Variants in CREB1 observed in about 807,000 individuals in gnomAD.
CREB1 encodes cAMP responsive element binding protein 1.
In CREB1, 2 loss-of-function variants were observed where a neutral mutation model predicts 42.0. That is an observed-to-expected ratio of 0.05 (90% CI 0.02 to 0.15). The LOEUF (loss-of-function observed/expected upper bound fraction) is 0.15. Among genes scored for constraint, CREB1 ranks in the 10% least tolerant of loss-of-function variants. The probability of loss-of-function intolerance (pLI) is 1.00; values close to 1 mark genes in which losing one functional copy is unlikely to be tolerated. For synonymous variants in CREB1, 123 were observed against 139.9 expected, an observed-to-expected ratio of 0.88 and a Z score of 0.85; for missense variants, 199 against 388.9, an observed-to-expected ratio of 0.51 and a Z score of 4.11.
chr2:207,600,188 C>T lies in CREB1; in HGVS notation c.*3130C>T, dbSNP rs1183254395. 6 of 175,220 alleles carry T rather than the reference C, an allele frequency of 3.4e-5. No individual in the cohort carries two copies. The highest frequency in any genetic ancestry group is 1.9e-4 in the Admixed American group (3 of 15,474). 10.9% of individuals were successfully genotyped at this position (175,220 alleles called of 1,614,324 possible). ...ACCATAATATTGTCATAGGTGCTCT[C>T]TTCATTTAGATATTCTTGGGGGGGG... On this transcript the variant is annotated 3_prime_UTR_variant, in exon 8 of 8. Transcript: ENST00000353267.
At chr2:207,561,705 G>A (rs1157655376) in intron 3 of CREB1, among the ~76,000 whole-genome samples, 2 of 151,934 alleles carry the variant, frequency 1.3e-5, no homozygotes, top group African/African-American at 4.8e-5. Context: ...CACCATCCTG[G>A]TTGTTTTCTT....
At chr2:207,576,332 A>G (rs2082600119) in intron 6 of CREB1, among the ~76,000 whole-genome samples, 1 of 147,470 alleles carries the variant, frequency 6.8e-6, no homozygotes, top group African/African-American at 2.5e-5. Context: ...ATTTGTTTGA[A>G]TATTTCAAGA....
At chr2:207,560,523 A>G in intron 3 of CREB1, 151 bp downstream of exon 3, 1 of 643,756 alleles carries the variant, frequency 1.6e-6, no homozygotes, top group Non-Finnish European at 2.5e-6. Context: ...TAGTCACCTT[A>G]TGTATAGGAA....
intron 1 of CREB1, among the ~76,000 whole-genome samples, chr2:207,551,137 C>T (rs1039193809): frequency 6.6e-6 from 1 of 152,168 alleles, no homozygotes; most frequent in Non-Finnish European, 1.5e-5. Flanking sequence ...CTGTATTCAT[C>T]ATTAATGCCT....
intron 7 of CREB1, among the ~76,000 whole-genome samples, chr2:207,583,370 T>A (rs763588039): frequency 5.9e-5 from 9 of 152,224 alleles, no homozygotes; most frequent in Non-Finnish European, 1.3e-4. Flanking sequence ...TGTTTGTAAC[T>A]TCTTTCTCCG....
intron 7 of CREB1, chr2:207,583,012 A>G (rs2083215717): frequency 6.5e-6 from 1 of 154,112 alleles, no homozygotes; most frequent in Non-Finnish European, 1.5e-5. Flanking sequence ...TGTTTTCCAT[A>G]GCCCACATTC....
rs553899996 is a variant in CREB1, at chr2:207,536,492, T to G, written c.-9+6358T>G. On this transcript the variant is annotated intron_variant, in intron 1 of 7. Coordinates refer to ENST00000353267, the MANE Select transcript of CREB1 (RefSeq NM_004379.5). ...ATCACTTGGACCTGGAAGGCAGAGG[T>G]TGCAGTGAGCTGAGATTGCACCATT... 1.1e-3 allele frequency among the ~76,000 whole-genome samples: 172 copies of G among 152,176 alleles called. No individual in the cohort carries two copies. The South Asian group carries it at 0.014, about 12-fold the overall frequency.
At chr2:207,590,107 T>TA (rs1553508762) in intron 7 of CREB1, among the ~76,000 whole-genome samples, 23,911 of 134,826 alleles carry the variant, frequency 0.18, 3,448 homozygotes, top group Non-Finnish European at 0.26. Flanking sequence ...TTTTTTTTTT[T>TA]AATAGATACG....
intron 7 of CREB1, among the ~76,000 whole-genome samples, chr2:207,582,401 T>A (rs112944732): frequency 1.1e-3 from 161 of 152,350 alleles, no homozygotes; most frequent in African/African-American, 3.7e-3. Context: ...CTGAATTCTA[T>A]AAACAAGATT....
chr2:207,551,670 C>T (rs1256566329), intron 1 of CREB1, among the ~76,000 whole-genome samples: 1 of 152,042 alleles, frequency 6.6e-6, no homozygotes, highest in African/African-American at 2.4e-5. Flanking sequence ...GGAAATACTT[C>T]CTTTACCATA....
At chr2:207,561,270 G>A in intron 3 of CREB1, 1 of 947,918 alleles carries the variant, frequency 1.1e-6, no homozygotes, top group Non-Finnish European at 1.6e-6. Flanking sequence ...TTCAACACTT[G>A]AACAAAAACC....
intron 1 of CREB1, among the ~76,000 whole-genome samples, chr2:207,554,004 A>C (rs2081618497): frequency 6.6e-6 from 1 of 152,096 alleles, no homozygotes; most frequent in Non-Finnish European, 1.5e-5. Context: ...TGGTTCTCTT[A>C]ATGATGGATA....
At position 207,593,938 on chromosome 2, in the gene CREB1, C is replaced by G. The variant is rs184658544; in HGVS notation, c.840-2976C>G. On this transcript the variant is annotated intron_variant, in intron 7 of 7. Transcript: ENST00000353267. ...TTCGCCATGTTGGCCAGGCTGGTCT[C>G]AAACTCCTGGCCTCAAGTGATCTGC... Among the ~76,000 whole-genome samples the G allele has an allele frequency of 1.5e-4, 23 of 152,188 alleles. No individual in the cohort carries two copies. The East Asian group carries it at 4.5e-3, about 30-fold the overall frequency.
intron 7 of CREB1, chr2:207,581,777 C>T: frequency 1.5e-6 from 1 of 682,590 alleles, no homozygotes; most frequent in Admixed American, 2.2e-5. Context: ...TTTTATTTCC[C>T]CAGTTTTTTT....
chr2:207,543,106 A>G (rs746848495), intron 1 of CREB1, among the ~76,000 whole-genome samples: 1 of 152,220 alleles, frequency 6.6e-6, no homozygotes, highest in African/African-American at 2.4e-5. Flanking sequence ...ACTTTAAATC[A>G]TCTCTAGATT....
intron 1 of CREB1, among the ~76,000 whole-genome samples, chr2:207,534,179 TAAGTCCCA>T (rs1458735897): frequency 6.6e-6 from 1 of 152,230 alleles, no homozygotes; most frequent in Admixed American, 6.5e-5. Flanking sequence ...TAATACATAC[TAAGTCCCA>T]GGCATTGTGC....
At chr2:207,577,377 G>C in intron 6 of CREB1, 128 bp from the exon 7 acceptor site, 1 of 1,275,698 alleles carries the variant, frequency 7.8e-7, no homozygotes, top group Non-Finnish European at 1.1e-6. Flanking sequence ...CAACGCTTTA[G>C]CCAGAATCAT....
At position 207,599,508 on chromosome 2, in the gene CREB1, T is replaced by C. The variant is rs986997601; in HGVS notation, c.*2450T>C. ...TCAAGGCAATCACATTCATGTGAGC[T>C]GGATGAATTTATAAGTTATAAAGAC... On this transcript the variant is annotated 3_prime_UTR_variant, in exon 8 of 8. Coordinates refer to ENST00000353267, the MANE Select transcript of CREB1 (RefSeq NM_004379.5). 1 of 195,408 alleles carries C rather than the reference T, an allele frequency of 5.1e-6. No homozygotes were observed. Among genetic ancestry groups the C allele is most frequent in the Non-Finnish European group, 1.1e-5 (1 of 94,122 alleles). 12.1% of individuals were successfully genotyped at this position (195,408 alleles called of 1,614,324 possible).
chr2:207,560,691 A>G (rs2081923472), intron 3 of CREB1, among the ~76,000 whole-genome samples: 1 of 152,226 alleles, frequency 6.6e-6, no homozygotes, highest in African/African-American at 2.4e-5. Context: ...GAAAATTGAG[A>G]TGCAAAAATA....
Sources: gnomAD v4.1 joint callset for allele counts (sites outside exome capture counted in the v4.1 genomes callset) on GRCh38, gnomAD v4.1.1 for gene constraint, MANE v1.5 for transcripts, NCBI Gene and HGNC (gene_info 2026-07-23, HGNC 2026-07-21) for gene names.